Variants in NIN observed in about 807,000 individuals in gnomAD.
NIN encodes glycogen synthase kinase 3 beta-interacting protein.
NIN carries 137 observed loss-of-function variants against 257.6 expected under a neutral mutation model. The ratio of observed to expected loss-of-function variants is 0.53; its 90% confidence interval spans 0.46 to 0.61. The LOEUF (loss-of-function observed/expected upper bound fraction) is 0.61. Ranked by LOEUF, NIN falls within the 20% of genes least tolerant of loss-of-function variation. The pLI is 0.00. For synonymous variants in NIN, 918 were observed against 919.8 expected, an observed-to-expected ratio of 1.00 and a Z score of 0.04; for missense variants, 2,439 against 2,501.2, an observed-to-expected ratio of 0.98 and a Z score of 0.53.
intron 17 of NIN, among the ~76,000 whole-genome samples, chr14:50,759,518 G>C (rs1307442442): frequency 1.3e-5 from 2 of 149,656 alleles, no homozygotes; most frequent in African/African-American, 2.5e-5. Flanking sequence ...TTTTGAGACG[G>C]AGTCTCGCTC....
intron 9 of NIN, 129 bp from the exon 10 acceptor site, chr14:50,771,597 T>C (rs1595832772): frequency 4.2e-6 from 4 of 956,256 alleles, no homozygotes; most frequent in Admixed American, 2.5e-5. Context: ...TTCCATTGCT[T>C]TGGTGATTGC....
At chr14:50,776,029 A>G (rs750303997) in intron 7 of NIN, among the ~76,000 whole-genome samples, 3 of 152,164 alleles carry the variant, frequency 2.0e-5, no homozygotes, top group Non-Finnish European at 2.9e-5. Context: ...AAATACCACT[A>G]AACAAATATT....
intron 22 of NIN, among the ~76,000 whole-genome samples, chr14:50,747,459 TGCAGTGGCCCGC>T (rs1368039145): frequency 1.3e-5 from 2 of 152,218 alleles, no homozygotes; most frequent in Non-Finnish European, 2.9e-5. Flanking sequence ...GTGGGCCGGA[TGCAGTGGCCCGC>T]GCCTGTAATC....
Position 50,763,864 on chromosome 14 carries a change from T to C in NIN, c.1736A>G (p.Glu579Gly), listed in dbSNP as rs1242950340. 1 of 1,612,984 alleles carries C rather than the reference T, an allele frequency of 6.2e-7. No homozygotes were observed. Among genetic ancestry groups the C allele is most frequent in the Admixed American group, 1.7e-5 (1 of 59,932 alleles). ...RLPLKNSPSEEVEANSGGIEP... is the reference protein window; with the variant it reads ...RLPLKNSPSEGVEANSGGIEP... Reference sequence around the variant, plus strand: ...AATGCCACCGCTGTTAGCCTCAACTTCTTCTGACGGTGAGTTCTTCAACGG... The same window carrying C: ...AATGCCACCGCTGTTAGCCTCAACTCCTTCTGACGGTGAGTTCTTCAACGG... The change falls in exon 15 of 31, where the codon GAA (glutamate) becomes GGA (glycine). Residue 579 changes from glutamate (E) to glycine (G), a missense_variant. Physicochemically the swap from Glu to Gly is moderately conservative, Grantham distance 98. Transcript: ENST00000530997.
chr14:50,776,865 G>A, intron 7 of NIN, 84 bp downstream of exon 7: 1 of 1,223,984 alleles, frequency 8.2e-7, no homozygotes. Context: ...AAGCTGCAGA[G>A]AGCCACACTA....
At chr14:50,766,944 G>A (rs528706643) in intron 12 of NIN, 54 bp from the exon 13 acceptor site, 4 of 1,203,540 alleles carry the variant, frequency 3.3e-6, no homozygotes, top group African/African-American at 1.5e-5. Flanking sequence ...TTAGCAAACT[G>A]TGGTACTATT....
Position 50,757,673 on chromosome 14 carries a change from A to G in NIN, c.3357T>C (p.Thr1119=). The change falls in exon 18 of 31, where the codon ACT becomes ACC. Residue 1119 remains threonine, a synonymous_variant. Transcript: ENST00000530997. The part of the protein sequence containing the change: ...DEPATEFFGN[T]AEQTEQFLQQ... Reference sequence around the variant, plus strand: ...GTAAAAACTGCTCTGTTTGTTCCGCAGTATTTCCAAAAAACTCAGTAGCTG... The same window carrying G: ...GTAAAAACTGCTCTGTTTGTTCCGCGGTATTTCCAAAAAACTCAGTAGCTG... 1.2e-6 allele frequency: 2 copies of G among 1,614,192 alleles called. No homozygotes were observed. Among genetic ancestry groups the G allele is most frequent in the Non-Finnish European group, 1.7e-6 (2 of 1,180,038 alleles).
At chr14:50,772,492 T>A (rs2042775429) in intron 8 of NIN, 24 bp from the exon 9 acceptor site, 1 of 1,610,656 alleles carries the variant, frequency 6.2e-7, no homozygotes, top group African/African-American at 1.3e-5. Context: ...GAGACTTGAG[T>A]AAGCCTAGCT....
In NIN at chr14:50,748,047, T is replaced by G. The variant is rs775804394; in HGVS notation, c.5009A>C (p.His1670Pro). 1 of 1,614,088 alleles carries G rather than the reference T, an allele frequency of 6.2e-7. No individual in the cohort carries two copies. Among genetic ancestry groups the G allele is most frequent in the South Asian group, 1.1e-5 (1 of 91,074 alleles). The change falls in exon 22 of 31, where the codon CAT becomes CCT. Residue 1670 changes from histidine to proline, a missense_variant. By Grantham distance (77) the His-to-Pro change is moderately conservative. Around this residue, in one of 3 missense-constraint regions of NIN, gnomAD observed 2,043 missense variants for 2,050.2 expected, o/e 1.00. Transcript: ENST00000530997. ...AELSEVKIQT[H>P]IVQQENHLLK... ...AAGGTGGTTTTCCTGTTGCACAATA[T>G]GGGTCTGTATTTTAACTTCAGAGAG... is the stretch of plus-strand genomic sequence containing the variant.
At chr14:50,766,502 T>C (rs2042493926) in intron 13 of NIN, 106 bp from the exon 14 acceptor site, 4 of 991,322 alleles carry the variant, frequency 4.0e-6, no homozygotes, top group Middle Eastern at 2.0e-4. Flanking sequence ...TTGAGTATGA[T>C]AGGAATGTGA....
In NIN at chr14:50,831,155, G is replaced by A. The variant is rs1276846566; in HGVS notation, c.-225C>T. 6.6e-6 allele frequency: 1 copy of A among 150,516 alleles called. No homozygotes were observed. The highest frequency in any genetic ancestry group is 1.5e-5 in the Non-Finnish European group (1 of 67,458). 9.3% of individuals were successfully genotyped at this position (150,516 alleles called of 1,614,324 possible). On this transcript the variant is annotated 5_prime_UTR_variant, in exon 1 of 31. Coordinates refer to ENST00000530997, the MANE Select transcript of NIN (RefSeq NM_020921.4). ...ACCCGGAGCTCTGGACGCCGGGGAGGAAGGGCCGGGCCCGCGCGGGGAGGA... is the reference window on the plus strand; with the variant it reads ...ACCCGGAGCTCTGGACGCCGGGGAGAAAGGGCCGGGCCCGCGCGGGGAGGA...
intron 29 of NIN, chr14:50,726,431 T>C (rs964000912): frequency 5.0e-5 from 10 of 199,678 alleles, no homozygotes; most frequent in Non-Finnish European, 1.0e-4. Flanking sequence ...TCTGGGTCTC[T>C]GCAATGTTAT....
intron 5 of NIN, among the ~76,000 whole-genome samples, chr14:50,782,420 A>C (rs538099931): frequency 6.6e-6 from 1 of 152,336 alleles, no homozygotes; most frequent in South Asian, 2.1e-4. Flanking sequence ...ATACATTATA[A>C]TGCAGTCATT....
At chr14:50,831,259 C>A (rs1283964625), upstream of NIN, 1 of 151,788 alleles carries the variant, frequency 6.6e-6, no homozygotes, top group Non-Finnish European at 1.5e-5. Context: ...GAGGAGCGGG[C>A]GGCGCCGCCT....
chr14:50,788,696 C>T (rs2043447507), intron 5 of NIN, among the ~76,000 whole-genome samples: 1 of 152,234 alleles, frequency 6.6e-6, no homozygotes, highest in Non-Finnish European at 1.5e-5. Context: ...AGATGACTGT[C>T]TGCTCACTAA....
chr14:50,807,221 C>T (rs189206636), intron 3 of NIN, among the ~76,000 whole-genome samples: 1 of 152,278 alleles, frequency 6.6e-6, no homozygotes, highest in East Asian at 1.9e-4. Context: ...GCTTTCGTAT[C>T]TTGAGATATT....
chr14:50,765,489 C>T (rs2042443976), intron 14 of NIN, among the ~76,000 whole-genome samples: 1 of 152,076 alleles, frequency 6.6e-6, no homozygotes, highest in African/African-American at 2.4e-5. Flanking sequence ...CACAATTAAA[C>T]TTTTTATCTA....
At position 50,758,485 on chromosome 14, in the gene NIN, C is replaced by T. The variant is rs762788985; in HGVS notation, c.2545G>A (p.Glu849Lys). The change falls in exon 18 of 31, where the codon GAA becomes AAA. Residue 849 changes from glutamate (E) to lysine (K), a missense_variant. Physicochemically the swap from Glu to Lys is moderately conservative, Grantham distance 56. Around this residue, in one of 3 missense-constraint regions of NIN, gnomAD observed 2,043 missense variants for 2,050.2 expected, o/e 1.00. Coordinates refer to ENST00000530997, the MANE Select transcript of NIN (RefSeq NM_020921.4). ...RYRQELKDLQ[E>K]QQREEKSQWE... ...TGGGATTTCTCCTCACGCTGCTGTT[C>T]CTGGAGGTCCTTCAGCTCTTGGCGG... is the stretch of plus-strand genomic sequence containing the variant. 5 of 1,614,122 alleles carry T rather than the reference C, an allele frequency of 3.1e-6. No homozygotes were observed. The highest frequency in any genetic ancestry group is 3.3e-5 in the Admixed American group (2 of 59,996).
In NIN at chr14:50,729,188, C is replaced by A. The variant is rs139588655; in HGVS notation, c.6078+335G>T. Among the ~76,000 whole-genome samples, 3 of 151,860 alleles carry A rather than the reference C, an allele frequency of 2.0e-5. No homozygotes were observed. In the East Asian group the frequency reaches 5.8e-4, roughly 29 times the overall value. On this transcript the variant is annotated intron_variant, in intron 29 of 30. Coordinates refer to ENST00000530997, the MANE Select transcript of NIN (RefSeq NM_020921.4). The stretch of plus-strand genomic sequence containing the variant: ...GAAGCTGAGAGCTCAAAAGTAGCAC[C>A]GCAGTTCTATGGATTTGTCATACAG...
Sources: allele counts gnomAD v4.1 joint callset (sites outside exome capture counted in the v4.1 genomes callset), GRCh38; gene constraint gnomAD v4.1.1; regional missense constraint gnomAD v4.1.1; transcripts MANE v1.5; gene names NCBI Gene and HGNC (gene_info 2026-07-23, HGNC 2026-07-21).